The following HIVEP3 variants were observed in gnomAD, a reference collection of about 807,000 sequenced individuals.
The protein encoded by HIVEP3 is transcription factor HIVEP3.
HIVEP3 carries 49 observed loss-of-function variants against 152.8 expected under a neutral mutation model. The observed-to-expected ratio is 0.32, with a 90% CI of 0.26 to 0.41. The LOEUF (loss-of-function observed/expected upper bound fraction) is 0.41. HIVEP3 is among the 10% of genes least tolerant of loss of function. The probability of loss-of-function intolerance (pLI) is 1.00; values close to 1 mark genes in which losing one functional copy is unlikely to be tolerated. For missense variants in HIVEP3, 2,790 were observed against 3,103.3 expected (o/e 0.90, Z 2.40); for synonymous variants, 1,269 against 1,289.0 (o/e 0.98, Z 0.33).
intron 1 of HIVEP3, among the ~76,000 whole-genome samples, chr1:42,020,779 A>G (rs148651052): frequency 6.6e-6 from 1 of 152,222 alleles, no homozygotes; most frequent in Non-Finnish European, 1.5e-5. Context: ...CAAAATAGTA[A>G]TAAGTGTTCT....
chr1:41,821,830 G>A (rs1642611798), intron 1 of HIVEP3, among the ~76,000 whole-genome samples: 1 of 152,188 alleles, frequency 6.6e-6, no homozygotes, highest in African/African-American at 2.4e-5. Context: ...CTACATCCTA[G>A]TCTTCAGGGT....
intron 1 of HIVEP3, among the ~76,000 whole-genome samples, chr1:41,896,334 T>C (rs1433832532): frequency 6.6e-6 from 1 of 152,230 alleles, no homozygotes; most frequent in Non-Finnish European, 1.5e-5. Flanking sequence ...ATTCCTCTTC[T>C]TCAGAAGTTA....
chr1:41,539,209 C>G (rs1234914176), intron 5 of HIVEP3, among the ~76,000 whole-genome samples: 1 of 149,276 alleles, frequency 6.7e-6, no homozygotes, highest in Non-Finnish European at 1.5e-5. Context: ...GCATATTCCT[C>G]CGGCACCAGG....
intron 1 of HIVEP3, among the ~76,000 whole-genome samples, chr1:41,872,633 G>A (rs1570712192): frequency 6.6e-6 from 1 of 152,186 alleles, no homozygotes; most frequent in Non-Finnish European, 1.5e-5. Flanking sequence ...AGGATTTCAT[G>A]TAAATGGAAT....
chr1:41,808,367 G>C (rs1361175021), intron 1 of HIVEP3, among the ~76,000 whole-genome samples: 6 of 152,256 alleles, frequency 3.9e-5, no homozygotes, highest in Admixed American at 3.9e-4. Flanking sequence ...GAGCAGGGCT[G>C]TGTCCTCTCC....
chr1:41,576,759 A>G (rs1644333148), intron 4 of HIVEP3, among the ~76,000 whole-genome samples: 1 of 152,182 alleles, frequency 6.6e-6, no homozygotes, highest in East Asian at 1.9e-4. Flanking sequence ...CAGATAGGCC[A>G]TGGCACACTG....
At chr1:41,856,385 C>T (rs1457614075) in intron 1 of HIVEP3, among the ~76,000 whole-genome samples, 1 of 152,166 alleles carries the variant, frequency 6.6e-6, no homozygotes, top group South Asian at 2.1e-4. Context: ...CTCAAGGTGA[C>T]CCCGTTGCCA....
chr1:41,834,704 T>C (rs1009927378), intron 1 of HIVEP3, among the ~76,000 whole-genome samples: 5 of 152,160 alleles, frequency 3.3e-5, no homozygotes, highest in African/African-American at 1.2e-4. Flanking sequence ...TATAAATCCC[T>C]GACTTCATAG....
intron 1 of HIVEP3, among the ~76,000 whole-genome samples, chr1:41,714,605 G>T (rs1365462861): frequency 3.3e-5 from 5 of 152,156 alleles, no homozygotes; most frequent in Non-Finnish European, 7.4e-5. Flanking sequence ...AGGGGACACA[G>T]AGGGTCCCTG....
chr1:41,845,495 C>A (rs1643419036), intron 1 of HIVEP3, among the ~76,000 whole-genome samples: 2 of 151,714 alleles, frequency 1.3e-5, no homozygotes, highest in Non-Finnish European at 2.9e-5. Context: ...TTCACCTATA[C>A]CCCAGGCCTG....
intron 1 of HIVEP3, among the ~76,000 whole-genome samples, chr1:41,905,190 T>C (rs1318659577): frequency 6.6e-6 from 1 of 152,190 alleles, no homozygotes; most frequent in African/African-American, 2.4e-5. Context: ...GGATCCCTTA[T>C]AGTTTATAGT....
rs1569648528 is a variant in HIVEP3 at position 41,511,209 on chromosome 1, A to G, written c.6463T>C (p.Ser2155Pro). The G allele has an allele frequency of 6.2e-7, 1 of 1,613,652 alleles. No homozygotes were observed. Among genetic ancestry groups the G allele is most frequent in the Non-Finnish European group, 8.5e-7 (1 of 1,179,878 alleles). ...TCATGGAGGGCGGAGAAGGGTCGGGAGGAGAGAGGATGAGCAGGGCCGGGT... is the reference window on the plus strand; with the variant it reads ...TCATGGAGGGCGGAGAAGGGTCGGGGGGAGAGAGGATGAGCAGGGCCGGGT... ...CSPGPAHPLS[S>P]RPFSALHDFH... The change falls in exon 9 of 9, where the codon TCC becomes CCC. Residue 2155 changes from serine (S) to proline (P), a missense_variant. Ser to Pro is a moderately conservative substitution (Grantham distance 74). Around this residue, in one of 9 missense-constraint regions of HIVEP3, gnomAD observed 816 missense variants for 806.5 expected, o/e 1.01. Transcript: ENST00000372583. This position sits in a 1 kb window ranked among gnomAD's most constrained non-coding sequence, Gnocchi z 4.9.
At chr1:41,523,229 T>C (rs1043199609) in intron 6 of HIVEP3, among the ~76,000 whole-genome samples, 1 of 152,144 alleles carries the variant, frequency 6.6e-6, no homozygotes, top group Non-Finnish European at 1.5e-5. Context: ...GGACAGCCCA[T>C]GTCCAGGGCG....
chr1:41,861,706 C>CCAA (rs1285478742), intron 1 of HIVEP3, among the ~76,000 whole-genome samples: 1 of 152,120 alleles, frequency 6.6e-6, no homozygotes, highest in African/African-American at 2.4e-5. Context: ...AGGAAGGAGG[C>CCAA]CAGATTTCAG....
rs1644971253 is a variant in HIVEP3 at position 41,926,937 on chromosome 1, G to A, written n.120-8413C>T. 2.6e-5 allele frequency among the ~76,000 whole-genome samples: 4 copies of A among 152,248 alleles called. No homozygotes were observed. The South Asian group carries it at 6.2e-4, about 24-fold the overall frequency. ...ACTCTGACAACCCTGATAAGCCACTGTGAGTTTCAGCTTTCTAGCACACTA... is the reference window on the plus strand; with the variant it reads ...ACTCTGACAACCCTGATAAGCCACTATGAGTTTCAGCTTTCTAGCACACTA... On this transcript the variant is annotated intron_variant and non_coding_transcript_variant, in intron 1 of 3. Transcript: ENST00000489103.
At chr1:41,535,440 C>T (rs35045534) in intron 5 of HIVEP3, 1 of 152,286 alleles carries the variant, frequency 6.6e-6, no homozygotes, top group East Asian at 1.9e-4. Context: ...CTTTGGAGGC[C>T]TACGCCACAG....
intron 5 of HIVEP3, among the ~76,000 whole-genome samples, chr1:41,537,571 G>C (rs1276356804): frequency 1.3e-5 from 2 of 152,242 alleles, no homozygotes; most frequent in Admixed American, 1.3e-4. Context: ...ACAGAAGAAT[G>C]GATGTCTGTG....
At chr1:41,795,275 A>C (rs534424788) in intron 1 of HIVEP3, among the ~76,000 whole-genome samples, 1 of 152,190 alleles carries the variant, frequency 6.6e-6, no homozygotes, top group African/African-American at 2.4e-5. Context: ...GTCCTGGTAC[A>C]GTATTTTGTA....
chr1:41,968,768 T>C (rs1645213108), intron 1 of HIVEP3, among the ~76,000 whole-genome samples: 1 of 152,238 alleles, frequency 6.6e-6, no homozygotes, highest in African/African-American at 2.4e-5. Context: ...GAAGTCACAC[T>C]GGCTCTGTTT....
Sources: gnomAD v4.1 joint callset for allele counts (sites outside exome capture counted in the v4.1 genomes callset) on GRCh38, gnomAD v4.1.1 for gene constraint, gnomAD v4.1.1 regional missense constraint, Gnocchi (gnomAD v3.1) non-coding constraint, MANE v1.5 for transcripts, NCBI Gene and HGNC (gene_info 2026-07-23, HGNC 2026-07-21) for gene names.